Variants in SRGAP2 observed in about 807,000 individuals in gnomAD.
SRGAP2 encodes the protein SLIT-ROBO Rho GTPase-activating protein 2.
In SRGAP2, 15 loss-of-function variants were observed where a neutral mutation model predicts 57.2. The observed-to-expected ratio is 0.26, with a 90% confidence interval of 0.18 to 0.40. SRGAP2 has a LOEUF of 0.40. Ranked by LOEUF, SRGAP2 falls within the 10% of genes least tolerant of loss-of-function variation. The pLI is 1.00. For synonymous variants in SRGAP2, 249 were observed against 248.0 expected (o/e 1.00, Z -0.04); for missense variants, 520 against 669.6 (o/e 0.78, Z 2.47).
At chr1:206,416,000 GC>G in intron 11 of SRGAP2, 27 bp downstream of exon 11, 1 of 772,828 alleles carries the variant, frequency 1.3e-6, no homozygotes. Context: ...TCTGCTAGAG[GC>G]TTGACAGTGA....
chr1:206,346,590 G>A (rs1434397683), intron 4 of SRGAP2, among the ~76,000 whole-genome samples: 1 of 152,052 alleles, frequency 6.6e-6, no homozygotes, highest in Non-Finnish European at 1.5e-5. Flanking sequence ...ACATAAAATA[G>A]ATATGTTTTA....
At chr1:206,366,307 T>TCCAC (rs1654004023) in intron 4 of SRGAP2, among the ~76,000 whole-genome samples, 6 of 152,212 alleles carry the variant, frequency 3.9e-5, no homozygotes, top group Admixed American at 3.9e-4. Context: ...AACTGATGAG[T>TCCAC]CCACCCCATC....
Position 206,458,771 on chromosome 1 carries a change from C to A in SRGAP2, c.2656C>A (p.Pro886Thr), listed in dbSNP as rs1664038026. The change falls in exon 22 of 23, where the codon CCC becomes ACC. Residue 886 changes from proline to threonine, a missense_variant. Physicochemically the swap from Pro to Thr is conservative, Grantham distance 38 (BLOSUM62 -1). Coordinates refer to ENST00000573034, the MANE Select transcript of SRGAP2 (RefSeq NM_015326.5). ...SSQPIMSQSL[P>T]KEGPDKCSIS... The stretch of plus-strand genomic sequence containing the variant: ...CCAGCCCATCATGAGCCAGAGCCTC[C>A]CCAAAGAAGGGCCAGATAAGTGTTC... 1.3e-6 allele frequency: 1 copy of A among 780,814 alleles called. No individual in the cohort carries two copies. Among genetic ancestry groups the A allele is most frequent in the Admixed American group, 1.7e-5 (1 of 59,040 alleles). The allele number at this position is 780,814 out of a possible 1,614,324, so 48.4% of individuals were successfully genotyped here. A position where few individuals can be genotyped will look rare whatever the true frequency, so the allele number is the denominator to read the frequency against.
chr1:206,445,000 G>A (rs1481977842), intron 17 of SRGAP2, among the ~76,000 whole-genome samples: 1 of 152,230 alleles, frequency 6.6e-6, no homozygotes. Context: ...GTAATGTGAG[G>A]CTGGATGAGG....
chr1:206,279,921 C>A (rs1376081247), intron 2 of SRGAP2, among the ~76,000 whole-genome samples: 15 of 151,614 alleles, frequency 9.9e-5, no homozygotes, highest in Non-Finnish European at 1.9e-4. Flanking sequence ...ACTTTGGAGG[C>A]ATTTCATTTC....
At chr1:206,324,628 T>C (rs1469267926) in intron 3 of SRGAP2, among the ~76,000 whole-genome samples, 4 of 152,270 alleles carry the variant, frequency 2.6e-5, no homozygotes, top group Non-Finnish European at 5.9e-5. Context: ...AGACACTCCC[T>C]GTAGACAGGG....
chr1:206,394,492 C>T (rs1228412711), intron 7 of SRGAP2, among the ~76,000 whole-genome samples: 1 of 152,166 alleles, frequency 6.6e-6, no homozygotes, highest in Non-Finnish European at 1.5e-5. Flanking sequence ...ATTTGACTCT[C>T]ACATCACCAT....
chr1:206,429,590 C>T (rs1467716615), intron 13 of SRGAP2, among the ~76,000 whole-genome samples: 1 of 152,230 alleles, frequency 6.6e-6, no homozygotes, highest in Admixed American at 6.5e-5. Context: ...ACGTGGCCAG[C>T]ATAGCTGTAG....
chr1:206,461,306 C>G lies in SRGAP2; in HGVS notation c.3102C>G (p.Val1034=), dbSNP rs782733976. 9 of 780,816 alleles carry G rather than the reference C, an allele frequency of 1.2e-5. No individual in the cohort carries two copies. The Admixed American group carries it at 1.5e-4, about 13-fold the overall frequency. 48.4% of individuals were successfully genotyped at this position (780,816 alleles called of 1,614,324 possible). A position where few individuals can be genotyped will look rare whatever the true frequency, so the allele number is the denominator to read the frequency against. Residue 1034 remains valine (V), a synonymous_variant, in exon 23 of 23, where the codon GTC becomes GTG. Transcript: ENST00000573034. ...AGTCTGTCAAGATGGCTGCCCCGGT[C>G]AAACCACCAGCCACACGGCCCAAGC... is the stretch of plus-strand genomic sequence containing the variant. ...PVKSVKMAAP[V]KPPATRPKPT...
At chr1:206,416,024 C>T (rs1178202417) in intron 11 of SRGAP2, 51 bp downstream of exon 11, 10 of 753,452 alleles carry the variant, frequency 1.3e-5, no homozygotes, top group Non-Finnish European at 2.0e-5. Flanking sequence ...CCAGCTGGAG[C>T]TTTCTTGCTG....
At chr1:206,267,962 A>G (rs1669963650) in intron 2 of SRGAP2, among the ~76,000 whole-genome samples, 1 of 150,100 alleles carries the variant, frequency 6.7e-6, no homozygotes, top group Admixed American at 6.6e-5. Flanking sequence ...ACATACAAAT[A>G]AAATTCTCTA....
intron 3 of SRGAP2, among the ~76,000 whole-genome samples, chr1:206,303,955 G>T (rs1219523384): frequency 6.6e-6 from 1 of 151,644 alleles, no homozygotes; most frequent in African/African-American, 2.4e-5. Flanking sequence ...AGTAGAGCTG[G>T]AATTCAAACC....
At chr1:206,427,465 A>G (rs1395882481) in intron 13 of SRGAP2, among the ~76,000 whole-genome samples, 1 of 152,180 alleles carries the variant, frequency 6.6e-6, no homozygotes, top group African/African-American at 2.4e-5. Flanking sequence ...CCGTCCTGAC[A>G]CCAGCTCCAA....
At chr1:206,365,960 T>C (rs1653965382) in intron 4 of SRGAP2, among the ~76,000 whole-genome samples, 1 of 152,044 alleles carries the variant, frequency 6.6e-6, no homozygotes, top group African/African-American at 2.4e-5. Context: ...ACAGGCATAG[T>C]TGTGACAAGG....
chr1:206,333,686 C>G (rs1214284198), intron 3 of SRGAP2, among the ~76,000 whole-genome samples: 4 of 152,136 alleles, frequency 2.6e-5, no homozygotes, highest in African/African-American at 7.2e-5. Context: ...GTCACCATAC[C>G]TGGCTTCCAT....
At chr1:206,276,997 T>C (rs1421082623) in intron 2 of SRGAP2, among the ~76,000 whole-genome samples, 1 of 150,350 alleles carries the variant, frequency 6.7e-6, no homozygotes, top group African/African-American at 2.5e-5. Flanking sequence ...GGAGTTTTGC[T>C]CCTGTTGCCC....
intron 7 of SRGAP2, among the ~76,000 whole-genome samples, chr1:206,397,032 AG>A (rs1477369957): frequency 2.6e-5 from 4 of 152,272 alleles, no homozygotes; most frequent in Admixed American, 1.3e-4. Flanking sequence ...GTCAAGATAT[AG>A]AATAAATATT....
chr1:206,445,164 G>C (rs1235731689), intron 17 of SRGAP2, among the ~76,000 whole-genome samples: 1 of 152,228 alleles, frequency 6.6e-6, no homozygotes. Context: ...CTCCTCAGCA[G>C]AGCTCACAGC....
At chr1:206,449,746 G>A (rs1553375187) in intron 18 of SRGAP2, among the ~76,000 whole-genome samples, 2 of 151,910 alleles carry the variant, frequency 1.3e-5, no homozygotes, top group Admixed American at 1.3e-4. Flanking sequence ...TTTTTCACCA[G>A]TTCACAGTCT....
Sources: allele counts gnomAD v4.1 joint callset (sites outside exome capture counted in the v4.1 genomes callset), GRCh38; gene constraint gnomAD v4.1.1; transcripts MANE v1.5; gene names NCBI Gene and HGNC (gene_info 2026-07-23, HGNC 2026-07-21).